AUTS2: variants seen among roughly 807,000 people sequenced by gnomAD.
The protein encoded by AUTS2 is autism susceptibility gene 2 protein.
In AUTS2, 17 loss-of-function variants were observed where a neutral mutation model predicts 112.4. The observed-to-expected ratio is 0.15, with a 90% confidence interval of 0.10 to 0.23. The LOEUF (loss-of-function observed/expected upper bound fraction) is 0.23. Among genes scored for constraint, AUTS2 ranks in the 10% least tolerant of loss-of-function variants. The pLI, the probability that AUTS2 is intolerant of heterozygous loss-of-function variation, is 1.00. For synonymous variants in AUTS2, 751 were observed against 702.7 expected, an observed-to-expected ratio of 1.07 and a Z score of -1.09; for missense variants, 1,510 against 1,701.6, an observed-to-expected ratio of 0.89 and a Z score of 1.98.
chr7:70,381,670 AAGAAAATTTT>A (rs1793373190), intron 4 of AUTS2, among the ~76,000 whole-genome samples: 1 of 152,206 alleles, frequency 6.6e-6, no homozygotes, highest in African/African-American at 2.4e-5. Flanking sequence ...AACAGACATT[AAGAAAATTTT>A]AGAAAATTTT....
intron 6 of AUTS2, among the ~76,000 whole-genome samples, chr7:70,739,093 A>G (rs924835901): frequency 5.5e-5 from 7 of 126,354 alleles, no homozygotes; most frequent in Non-Finnish European, 1.1e-4. Context: ...TGTTGCTGTC[A>G]TAGCTCACTT....
rs1791724257 is a variant in AUTS2 at position 70,350,931 on chromosome 7, G to A, written c.661-84821G>A. On this transcript the variant is annotated intron_variant, in intron 4 of 18. Transcript: ENST00000342771. Reference sequence around the variant, plus strand: ...GTTTTTTGTTTCTATGTCTTTGACTGTTGTTTTTTAGATGCCATATATGAG... The same window carrying A: ...GTTTTTTGTTTCTATGTCTTTGACTATTGTTTTTTAGATGCCATATATGAG... 2.0e-5 allele frequency among the ~76,000 whole-genome samples: 3 copies of A among 150,902 alleles called. No homozygotes were observed. The South Asian group carries it at 6.3e-4, about 31-fold the overall frequency.
intron 4 of AUTS2, among the ~76,000 whole-genome samples, chr7:70,303,370 T>C (rs997915753): frequency 6.6e-6 from 1 of 151,686 alleles, no homozygotes; most frequent in African/African-American, 2.4e-5. Flanking sequence ...ACTGGGAGGA[T>C]TGCACCTGGA....
chr7:70,577,155 T>G (rs1042740893), intron 5 of AUTS2, among the ~76,000 whole-genome samples: 13 of 152,224 alleles, frequency 8.5e-5, no homozygotes, highest in African/African-American at 3.1e-4. Context: ...AATAACACTC[T>G]GATTGCAGAG....
At chr7:69,662,733 A>G (rs956640321) in intron 1 of AUTS2, among the ~76,000 whole-genome samples, 10 of 152,194 alleles carry the variant, frequency 6.6e-5, no homozygotes, top group African/African-American at 2.2e-4. Flanking sequence ...CTTGGCTTCA[A>G]TTTCCTAACA....
At chr7:70,574,397 T>G (rs1802074547) in intron 5 of AUTS2, among the ~76,000 whole-genome samples, 1 of 152,160 alleles carries the variant, frequency 6.6e-6, no homozygotes, top group Non-Finnish European at 1.5e-5. Flanking sequence ...CCGTATGTCT[T>G]TTTTCTAAAG....
chr7:70,559,979 CT>C (rs1482985789), intron 5 of AUTS2, among the ~76,000 whole-genome samples: 1 of 152,232 alleles, frequency 6.6e-6, no homozygotes, highest in Non-Finnish European at 1.5e-5. Context: ...GGTCTTTCCC[CT>C]GCTGTGAGCC....
intron 4 of AUTS2, chr7:70,293,374 G>T (rs1053528947): frequency 5.3e-5 from 8 of 152,102 alleles, no homozygotes; most frequent in South Asian, 2.1e-4. Context: ...CGGTTTTTCT[G>T]GTTTATCAGT....
chr7:69,915,418 C>G (rs1795537637), intron 2 of AUTS2, among the ~76,000 whole-genome samples: 1 of 152,184 alleles, frequency 6.6e-6, no homozygotes, highest in Non-Finnish European at 1.5e-5. Flanking sequence ...GTGCAATTTA[C>G]TGGGAATTAC....
At chr7:70,408,706 G>A (rs909066703) in intron 4 of AUTS2, among the ~76,000 whole-genome samples, 5 of 152,168 alleles carry the variant, frequency 3.3e-5, no homozygotes, top group African/African-American at 1.2e-4. Context: ...AAAATATTCA[G>A]GTACTCTTAC....
At chr7:70,312,539 T>A (rs182131506) in intron 4 of AUTS2, among the ~76,000 whole-genome samples, 22 of 152,320 alleles carry the variant, frequency 1.4e-4, no homozygotes, top group Admixed American at 1.4e-3. Flanking sequence ...GTATTTCTGA[T>A]CTGACAGGAT....
intron 2 of AUTS2, among the ~76,000 whole-genome samples, chr7:69,973,978 A>C (rs1349522981): frequency 6.6e-6 from 1 of 152,124 alleles, no homozygotes; most frequent in Non-Finnish European, 1.5e-5. Flanking sequence ...GTTTGCTGGA[A>C]GAGATTATGT....
chr7:70,418,095 G>GTGTGTC (rs1171164302), intron 4 of AUTS2, among the ~76,000 whole-genome samples: 4 of 147,006 alleles, frequency 2.7e-5, no homozygotes, highest in African/African-American at 1.0e-4. Flanking sequence ...GTGTGTGTGT[G>GTGTGTC]TGTGTGTGTG....
At chr7:69,975,992 A>G (rs1217091902) in intron 2 of AUTS2, among the ~76,000 whole-genome samples, 1 of 152,176 alleles carries the variant, frequency 6.6e-6, no homozygotes, top group Non-Finnish European at 1.5e-5. Context: ...TTTAAAAAAA[A>G]TGCATTTTAC....
intron 4 of AUTS2, among the ~76,000 whole-genome samples, chr7:70,165,298 A>C (rs7782663): frequency 0.1 from 15,510 of 152,238 alleles, 842 homozygotes; most frequent in Admixed American, 0.13. Context: ...GAATTTTCCA[A>C]AATGAAAGAT....
chr7:69,852,595 G>T (rs1356930510), intron 1 of AUTS2, among the ~76,000 whole-genome samples: 1 of 152,094 alleles, frequency 6.6e-6, no homozygotes, highest in African/African-American at 2.4e-5. Flanking sequence ...TGGGATTACA[G>T]GTGCCTGCCA....
At chr7:70,715,159 C>G (rs184666259) in intron 6 of AUTS2, among the ~76,000 whole-genome samples, 116 of 152,352 alleles carry the variant, frequency 7.6e-4, no homozygotes, top group African/African-American at 2.7e-3. Flanking sequence ...TTCTCTCCTT[C>G]TAATTGCATG....
At chr7:70,101,658 G>T (rs548746245) in intron 2 of AUTS2, among the ~76,000 whole-genome samples, 2 of 152,232 alleles carry the variant, frequency 1.3e-5, no homozygotes, top group South Asian at 4.1e-4. Flanking sequence ...TTGTGCTACT[G>T]CACTCCAGCC....
intron 2 of AUTS2, among the ~76,000 whole-genome samples, chr7:69,902,320 A>G (rs1795000570): frequency 6.6e-6 from 1 of 152,180 alleles, no homozygotes; most frequent in Admixed American, 6.5e-5. Flanking sequence ...TGTAAATATC[A>G]CAATTACTTT....
Sources: allele counts gnomAD v4.1 joint callset (sites outside exome capture counted in the v4.1 genomes callset), GRCh38; gene constraint gnomAD v4.1.1; transcripts MANE v1.5; gene names NCBI Gene and HGNC (gene_info 2026-07-23, HGNC 2026-07-21).